C17orf78: variants seen among roughly 807,000 people sequenced by gnomAD.
C17orf78 encodes uncharacterized protein C17orf78.
Under a neutral mutation model 31.8 loss-of-function variants are expected in C17orf78, and 27 were observed. The observed-to-expected ratio is 0.85, with a 90% CI of 0.63 to 1.17. The LOEUF (loss-of-function observed/expected upper bound fraction) is 1.17, where lower values mean the gene tolerates loss of function less well. Ranked by LOEUF, C17orf78 falls within the 50% of genes most tolerant of loss-of-function variation. C17orf78 has a pLI of 0.00. For missense variants in C17orf78, 258 were observed against 315.2 expected, an observed-to-expected ratio of 0.82 and a Z score of 1.37; for synonymous variants, 106 against 115.1, an observed-to-expected ratio of 0.92 and a Z score of 0.51.
rs2050677632 is a variant in C17orf78 at position 37,389,149 on chromosome 17, G to C, written c.634-97G>C. ...ATAGGACTGAATATTTTATTTAGAA[G>C]AGATGGCTTCCTTTAAGTTGCCCAA... is the stretch of plus-strand genomic sequence containing the variant. On this transcript the variant is annotated intron_variant, in intron 5 of 6. Transcript: ENST00000615133. 3.5e-6 allele frequency: 5 copies of C among 1,415,242 alleles called. No homozygotes were observed. The South Asian group carries it at 6.9e-5, about 20-fold the overall frequency. The allele number at this position is 1,415,242 out of a possible 1,614,324, so 87.7% of individuals were successfully genotyped here.
chr17:37,382,962 G>A (rs763385020), intron 3 of C17orf78, among the ~76,000 whole-genome samples: 13 of 152,130 alleles, frequency 8.5e-5, no homozygotes, highest in South Asian at 4.1e-4. Flanking sequence ...ACTTGAACCC[G>A]GGAGGCGGAG....
intron 3 of C17orf78, among the ~76,000 whole-genome samples, chr17:37,384,724 T>C (rs1042889765): frequency 6.6e-6 from 1 of 152,224 alleles, no homozygotes; most frequent in Non-Finnish European, 1.5e-5. Context: ...TGACTTTATG[T>C]CTGTCTCTGC....
Position 37,389,369 on chromosome 17 carries a change from G to C in C17orf78, c.750+7G>C. The C allele has an allele frequency of 6.4e-7, 1 of 1,569,418 alleles. No homozygotes were observed. Among genetic ancestry groups the C allele is most frequent in the African/African-American group, 1.4e-5 (1 of 73,918 alleles). ...TGACTCTCAGCCCCAGAAGGAAAGT[G>C]TTCTCTGTGTGGTTTATGTCATTTG... On this transcript the variant is annotated splice_region_variant and intron_variant, in intron 6 of 6. Transcript: ENST00000615133.
rs543408541 is a variant in C17orf78 at position 37,376,031 on chromosome 17, C to T, written c.-62C>T. The T allele has an allele frequency of 7.1e-7, 1 of 1,411,926 alleles. No homozygotes were observed. The highest frequency in any genetic ancestry group is 2.3e-5 in the East Asian group (1 of 43,686). The allele number at this position is 1,411,926 out of a possible 1,614,324, so 87.5% of individuals were successfully genotyped here. ...GTGGTGAAAGCAACTAGAGGCAGAGCTATCAAGGGCTGTGACAGATGAGCA... is the reference window on the plus strand; with the variant it reads ...GTGGTGAAAGCAACTAGAGGCAGAGTTATCAAGGGCTGTGACAGATGAGCA... On this transcript the variant is annotated 5_prime_UTR_variant, in exon 1 of 7. Transcript: ENST00000615133.
rs1349293575 is a variant in C17orf78, at chr17:37,377,215, G to A, written c.59-664G>A. 2.0e-5 allele frequency among the ~76,000 whole-genome samples: 3 copies of A among 152,088 alleles called. No individual in the cohort carries two copies. The East Asian group carries it at 5.8e-4, about 29-fold the overall frequency. ...TAGGAGGGAGAAGAGAAAATAAGCA[G>A]TATTTAAGGAAATGGGTTGGTTAGA... On this transcript the variant is annotated intron_variant, in intron 1 of 6. Transcript: ENST00000615133.
At position 37,384,076 on chromosome 17, in the gene C17orf78, C is replaced by T. The variant is rs149999524; in HGVS notation, c.392-1933C>T. 5.2e-3 allele frequency among the ~76,000 whole-genome samples: 790 copies of T among 152,204 alleles called. 5 individuals are homozygous for T. Among genetic ancestry groups the T allele is most frequent in the African/African-American group, 0.016 (676 of 41,526 alleles). Reference sequence around the variant, plus strand: ...GTCAGGAATTCGAGACCAGCCTGGCCAACATAGTGAAACCCCGTCTCTACT... The same window carrying T: ...GTCAGGAATTCGAGACCAGCCTGGCTAACATAGTGAAACCCCGTCTCTACT... On this transcript the variant is annotated intron_variant, in intron 3 of 6. Transcript: ENST00000615133.
At position 37,376,041 on chromosome 17, in the gene C17orf78, C is replaced by T; in HGVS notation, c.-52C>T. 6.7e-7 allele frequency: 1 copy of T among 1,494,140 alleles called. No homozygotes were observed. The highest frequency in any genetic ancestry group is 9.3e-7 in the Non-Finnish European group (1 of 1,071,740). The allele number at this position is 1,494,140 out of a possible 1,614,324, so 92.6% of individuals were successfully genotyped here. A position where few individuals can be genotyped will look rare whatever the true frequency, so the allele number is the denominator to read the frequency against. On this transcript the variant is annotated 5_prime_UTR_variant, in exon 1 of 7. Coordinates refer to ENST00000615133, the MANE Select transcript of C17orf78 (RefSeq NM_173625.5). The stretch of plus-strand genomic sequence containing the variant: ...CAACTAGAGGCAGAGCTATCAAGGG[C>T]TGTGACAGATGAGCAGTGGTCTGTC...
chr17:37,380,911 T>TCTAC (rs2050224009), intron 3 of C17orf78, among the ~76,000 whole-genome samples: 1 of 151,610 alleles, frequency 6.6e-6, no homozygotes, highest in African/African-American at 2.4e-5. Context: ...TTTTTTTTTT[T>TCTAC]TAATTTCATT....
chr17:37,390,330 A>ATATATATAATATATATATC (rs1386032855), intron 6 of C17orf78, among the ~76,000 whole-genome samples: 1 of 41,592 alleles, frequency 2.4e-5, no homozygotes, highest in African/African-American at 1.3e-4. Flanking sequence ...ATATATATAT[A>ATATATATAATATATATATC]TATAAAAGGC....
At position 37,392,563 on chromosome 17, in the gene C17orf78, G is replaced by A. The variant is rs1173444766; in HGVS notation, c.*839G>A. The A allele has an allele frequency of 6.6e-6, 1 of 152,056 alleles. No homozygotes were observed. The highest frequency in any genetic ancestry group is 2.4e-5 in the African/African-American group (1 of 41,378). 9.4% of individuals were successfully genotyped at this position (152,056 alleles called of 1,614,324 possible). A position where few individuals can be genotyped will look rare whatever the true frequency, so the allele number is the denominator to read the frequency against. On this transcript the variant is annotated 3_prime_UTR_variant, in exon 7 of 7. Transcript: ENST00000615133. ...GAAATGTCAGGAGGGATAAGACAGG[G>A]TGAGGCCCTGCTTCTTTTCCTAAGA... is the stretch of plus-strand genomic sequence containing the variant.
intron 1 of C17orf78, among the ~76,000 whole-genome samples, chr17:37,376,775 C>T (rs1053775241): frequency 6.6e-6 from 1 of 151,846 alleles, no homozygotes; most frequent in South Asian, 2.1e-4. Flanking sequence ...GCCAACATGG[C>T]GAAACCCCAT....
chr17:37,388,883 T>A, intron 5 of C17orf78, 89 bp downstream of exon 5: 1 of 1,499,040 alleles, frequency 6.7e-7, no homozygotes, highest in Non-Finnish European at 9.1e-7. Flanking sequence ...GAGAAAAGCA[T>A]AGACTTTGGA....
At chr17:37,380,391 A>G (rs2050194166) in intron 3 of C17orf78, among the ~76,000 whole-genome samples, 1 of 151,872 alleles carries the variant, frequency 6.6e-6, no homozygotes, top group African/African-American at 2.4e-5. Flanking sequence ...TAACCTGCAC[A>G]ATGTGCACAT....
chr17:37,382,945 A>G (rs1199132620), intron 3 of C17orf78, among the ~76,000 whole-genome samples: 3 of 152,102 alleles, frequency 2.0e-5, no homozygotes. Flanking sequence ...GCTGAGACAG[A>G]AGAATGACTT....
At chr17:37,389,776 T>A (rs2050711817) in intron 6 of C17orf78, among the ~76,000 whole-genome samples, 1 of 151,556 alleles carries the variant, frequency 6.6e-6, no homozygotes, top group Non-Finnish European at 1.5e-5. Context: ...TGTGAAAAAA[T>A]ATTTTTTTTA....
At chr17:37,378,451 A>G (rs928704019) in intron 2 of C17orf78, among the ~76,000 whole-genome samples, 62 of 152,158 alleles carry the variant, frequency 4.1e-4, no homozygotes, top group African/African-American at 1.3e-3. Context: ...GGTGGCTCAC[A>G]CCTGTAATCC....
intron 5 of C17orf78, among the ~76,000 whole-genome samples, 156 bp downstream of exon 5, chr17:37,388,950 T>C (rs1333200835): frequency 6.6e-6 from 1 of 152,184 alleles, no homozygotes; most frequent in East Asian, 1.9e-4. Flanking sequence ...GAAAGTTGCT[T>C]GACTGTTCTA....
intron 4 of C17orf78, among the ~76,000 whole-genome samples, chr17:37,386,675 G>A (rs1375533871): frequency 6.6e-6 from 1 of 152,056 alleles, no homozygotes; most frequent in Non-Finnish European, 1.5e-5. Flanking sequence ...TTATCTCCAC[G>A]CAAATGAGCT....
chr17:37,390,334 A>ATATATATCTATAT (rs2050822111), intron 6 of C17orf78, among the ~76,000 whole-genome samples: 1 of 93,444 alleles, frequency 1.1e-5, no homozygotes, highest in Non-Finnish European at 1.9e-5. Flanking sequence ...ATATATATAT[A>ATATATATCTATAT]AAAGGCCAGC....
Sources: gnomAD v4.1 joint callset for allele counts (sites outside exome capture counted in the v4.1 genomes callset) on GRCh38, gnomAD v4.1.1 for gene constraint, MANE v1.5 for transcripts, NCBI Gene and HGNC (gene_info 2026-07-23, HGNC 2026-07-21) for gene names.